Variants in CSMD1 observed in about 807,000 individuals in gnomAD.
CSMD1 encodes the protein CUB and Sushi multiple domains 1.
Under a neutral mutation model 417.5 loss-of-function variants are expected in CSMD1, and 213 were observed. The observed-to-expected ratio is 0.51, with a 90% CI of 0.46 to 0.57. The LOEUF is 0.57. CSMD1 is among the 20% of genes least tolerant of loss of function. CSMD1 has a pLI of 0.00. For missense variants in CSMD1, 6,923 were observed against 4,529.7 expected (o/e 1.53, Z -15.17); for synonymous variants, 2,862 against 1,736.8 (o/e 1.65, Z -16.11).
intron 1 of CSMD1, among the ~76,000 whole-genome samples, chr8:4,979,427 G>A (rs186529171): frequency 2.0e-5 from 3 of 152,100 alleles, no homozygotes; most frequent in Non-Finnish European, 4.4e-5. Context: ...GACGGAACTC[G>A]AGCTTACTTA....
At chr8:4,237,331 A>C (rs1241659969) in intron 3 of CSMD1, among the ~76,000 whole-genome samples, 1 of 152,068 alleles carries the variant, frequency 6.6e-6, no homozygotes. Context: ...AACAGTAAAT[A>C]AACTAATCCT....
intron 3 of CSMD1, among the ~76,000 whole-genome samples, chr8:4,339,168 G>C (rs1236632282): frequency 1.3e-5 from 2 of 152,042 alleles, no homozygotes; most frequent in Admixed American, 6.6e-5. Context: ...ATAAATTCTT[G>C]AGCCAGGCTT....
At chr8:4,099,783 A>T (rs544847390) in intron 3 of CSMD1, among the ~76,000 whole-genome samples, 1 of 152,288 alleles carries the variant, frequency 6.6e-6, no homozygotes, top group South Asian at 2.1e-4. Flanking sequence ...CACTTCCCTT[A>T]TGATAGTACT....
At chr8:4,098,456 A>G (rs996298416) in intron 3 of CSMD1, among the ~76,000 whole-genome samples, 1 of 152,056 alleles carries the variant, frequency 6.6e-6, no homozygotes, top group Admixed American at 6.6e-5. Flanking sequence ...TCAGACACAT[A>G]TTGTTCCATG....
At chr8:3,034,033 C>T (rs1007692142) in intron 50 of CSMD1, among the ~76,000 whole-genome samples, 2 of 152,326 alleles carry the variant, frequency 1.3e-5, no homozygotes, top group African/African-American at 2.4e-5. Context: ...CAGCTGCCTC[C>T]CCATGTGCCT....
intron 3 of CSMD1, among the ~76,000 whole-genome samples, chr8:4,159,735 C>T (rs1295295795): frequency 2.0e-5 from 3 of 152,240 alleles, no homozygotes; most frequent in East Asian, 3.9e-4. Flanking sequence ...ACTACAGGTG[C>T]CCGCCACCAC....
intron 19 of CSMD1, 144 bp downstream of exon 19, chr8:3,369,110 A>G (rs1402591712): frequency 5.6e-6 from 3 of 535,814 alleles, no homozygotes; most frequent in Admixed American, 6.8e-5. Context: ...CCAAAATCTT[A>G]TTAAATAATA....
intron 3 of CSMD1, among the ~76,000 whole-genome samples, chr8:4,151,317 T>C (rs1452190504): frequency 6.6e-6 from 1 of 152,192 alleles, no homozygotes; most frequent in Non-Finnish European, 1.5e-5. Flanking sequence ...GATCCTAAGA[T>C]CAATGCTTCA....
At chr8:3,435,337 A>T (rs1336165988) in intron 12 of CSMD1, among the ~76,000 whole-genome samples, 1 of 152,154 alleles carries the variant, frequency 6.6e-6, no homozygotes, top group Admixed American at 6.5e-5. Flanking sequence ...GCTGAAACAG[A>T]TGCCCTGAGT....
Position 3,146,993 on chromosome 8 carries a change from A to G in CSMD1, c.6032-4319T>C, listed in dbSNP as rs116048564. ...ATCCTCCCAAGGTGAAAAACATCCC[A>G]TATATTTTTCTTCAAGAAGGGGCAA... On this transcript the variant is annotated intron_variant, in intron 40 of 69. Coordinates refer to ENST00000635120, the MANE Select transcript of CSMD1 (RefSeq NM_033225.6). 8.8e-3 allele frequency among the ~76,000 whole-genome samples: 1,337 copies of G among 152,286 alleles called. 23 individuals are homozygous for G. The highest frequency in any genetic ancestry group is 0.031 in the African/African-American group (1,286 of 41,558).
chr8:4,389,800 A>C (rs1403231134), intron 3 of CSMD1, among the ~76,000 whole-genome samples: 1 of 152,154 alleles, frequency 6.6e-6, no homozygotes, highest in Non-Finnish European at 1.5e-5. Flanking sequence ...GTAAAGCCTT[A>C]CAACTACTTT....
chr8:4,703,022 C>T (rs978660587), intron 1 of CSMD1, among the ~76,000 whole-genome samples: 20 of 152,016 alleles, frequency 1.3e-4, no homozygotes, highest in East Asian at 5.8e-4. Flanking sequence ...AAGAATCTGG[C>T]GATATTTTTA....
intron 1 of CSMD1, among the ~76,000 whole-genome samples, chr8:4,948,549 C>T (rs750441728): frequency 3.9e-5 from 6 of 151,942 alleles, no homozygotes; most frequent in African/African-American, 1.4e-4. Flanking sequence ...TGTAAATCTG[C>T]TAGAAAATTT....
At chr8:4,670,897 A>C (rs967258444) in intron 1 of CSMD1, among the ~76,000 whole-genome samples, 3 of 152,208 alleles carry the variant, frequency 2.0e-5, no homozygotes, top group Non-Finnish European at 4.4e-5. Flanking sequence ...TTAACAAGGA[A>C]ATTTTAGTGA....
chr8:3,259,216 C>G (rs1266814162), intron 26 of CSMD1, among the ~76,000 whole-genome samples: 1 of 152,186 alleles, frequency 6.6e-6, no homozygotes, highest in Non-Finnish European at 1.5e-5. Context: ...CCTAAATAAT[C>G]TGAAAGGCGT....
chr8:4,210,689 T>A (rs1006415505), intron 3 of CSMD1, among the ~76,000 whole-genome samples: 1 of 152,194 alleles, frequency 6.6e-6, no homozygotes, highest in African/African-American at 2.4e-5. Flanking sequence ...ATTTTCCACT[T>A]CATTTTGCTC....
chr8:4,272,442 A>T (rs1174201350), intron 3 of CSMD1, among the ~76,000 whole-genome samples: 3 of 152,200 alleles, frequency 2.0e-5, no homozygotes, highest in East Asian at 3.8e-4. Flanking sequence ...AGGAAAAACT[A>T]TCTAAAACCA....
At chr8:4,712,280 G>A (rs992714265) in intron 1 of CSMD1, among the ~76,000 whole-genome samples, 1 of 152,202 alleles carries the variant, frequency 6.6e-6, no homozygotes, top group Non-Finnish European at 1.5e-5. Flanking sequence ...GTAGGTGAGA[G>A]TACACTTCAG....
At chr8:3,721,875 G>T (rs980472689) in intron 6 of CSMD1, among the ~76,000 whole-genome samples, 8 of 152,100 alleles carry the variant, frequency 5.3e-5, no homozygotes, top group Non-Finnish European at 1.2e-4. Flanking sequence ...AGCAGAGAAT[G>T]AAGTGCCCGT....
Sources: gnomAD v4.1 joint callset for allele counts (sites outside exome capture counted in the v4.1 genomes callset) on GRCh38, gnomAD v4.1.1 for gene constraint, MANE v1.5 for transcripts, NCBI Gene and HGNC (gene_info 2026-07-23, HGNC 2026-07-21) for gene names.